MCF2L: variants seen among roughly 807,000 people sequenced by gnomAD.
The protein encoded by MCF2L is MCF.2 cell line derived transforming sequence like.
In MCF2L, 97 loss-of-function variants were observed where a neutral mutation model predicts 153.4. The observed-to-expected ratio is 0.63, with a 90% CI of 0.54 to 0.75. The LOEUF (loss-of-function observed/expected upper bound fraction) is 0.75. MCF2L is among the 30% of genes least tolerant of loss of function. The probability of loss-of-function intolerance (pLI) is 0.00; values close to 1 mark genes in which losing one functional copy is unlikely to be tolerated. For missense variants in MCF2L, 1,347 were observed against 1,495.2 expected, an observed-to-expected ratio of 0.90 and a Z score of 1.64; for synonymous variants, 659 against 632.2, an observed-to-expected ratio of 1.04 and a Z score of -0.64.
chr13:113,098,078 T>G lies in MCF2L; in HGVS notation c.*1219T>G, dbSNP rs1192402812. The G allele has an allele frequency of 6.6e-6, 1 of 152,470 alleles. No homozygotes were observed. The highest frequency in any genetic ancestry group is 1.5e-5 in the Non-Finnish European group (1 of 68,058). The allele number at this position is 152,470 out of a possible 1,614,324, so 9.4% of individuals were successfully genotyped here. A position where few individuals can be genotyped will look rare whatever the true frequency, so the allele number is the denominator to read the frequency against. On this transcript the variant is annotated 3_prime_UTR_variant, in exon 30 of 30. Coordinates refer to ENST00000535094, the MANE Select transcript of MCF2L (RefSeq NM_001112732.3). ...AGATGTTTTTGTATGTGTGCACCTC[T>G]GACCATGTGTGTACATATGTGTCTT... is the stretch of plus-strand genomic sequence containing the variant.
upstream of MCF2L, chr13:112,964,763 G>A (rs1005382601): frequency 6.6e-6 from 1 of 152,196 alleles, no homozygotes; most frequent in Non-Finnish European, 1.5e-5. Context: ...TGAAAAATTT[G>A]TTACAAAGAA....
At chr13:112,989,349 GACAT>G (rs2082800126) in intron 1 of MCF2L, among the ~76,000 whole-genome samples, 11 of 136,194 alleles carry the variant, frequency 8.1e-5, no homozygotes, top group African/African-American at 2.5e-4. Context: ...CCCTGAGCAG[GACAT>G]GGAGCTACCA....
In MCF2L at chr13:113,064,524, T is replaced by C. The variant is rs2032057133; in HGVS notation, c.606+104T>C. 2.8e-6 allele frequency: 2 copies of C among 723,122 alleles called. No individual in the cohort carries two copies. The highest frequency in any genetic ancestry group is 4.9e-6 in the Non-Finnish European group (2 of 411,528). The allele number at this position is 723,122 out of a possible 1,614,324, so 44.8% of individuals were successfully genotyped here. ...GGCCCTTTCCAAAAACACATTCACA[T>C]TAACAGTCGTTTTCTTTCCCAAGAA... On this transcript the variant is annotated intron_variant, in intron 6 of 29. Coordinates refer to ENST00000535094, the MANE Select transcript of MCF2L (RefSeq NM_001112732.3). This position sits in a 1 kb window ranked among gnomAD's most constrained non-coding sequence, Gnocchi z 6.0.
In MCF2L at chr13:112,993,652, C is replaced by T. The variant is rs1209713890; in HGVS notation, c.80-21111C>T. Among the ~76,000 whole-genome samples the T allele has an allele frequency of 6.6e-6, 1 of 152,028 alleles. No individual in the cohort carries two copies. Among genetic ancestry groups the T allele is most frequent in the Non-Finnish European group, 1.5e-5 (1 of 68,018 alleles). On this transcript the variant is annotated intron_variant, in intron 1 of 29. Transcript: ENST00000535094. This position sits in a 1 kb window ranked among gnomAD's most constrained non-coding sequence, Gnocchi z 4.6. The stretch of plus-strand genomic sequence containing the variant: ...GAGAGAGGGAGCGAGAAGTCATCGT[C>T]AATGGCCCCACGATGTCAGGCTTGG...
chr13:113,079,072 C>T (rs1392015068), intron 15 of MCF2L, among the ~76,000 whole-genome samples: 1 of 152,176 alleles, frequency 6.6e-6, no homozygotes, highest in Admixed American at 6.5e-5. Flanking sequence ...AGACACCACT[C>T]AAAGGCCCCA....
chr13:112,918,707 GA>G (rs2140557564), intron 2 of MCF2L, among the ~76,000 whole-genome samples: 1 of 152,328 alleles, frequency 6.6e-6, no homozygotes, highest in Non-Finnish European at 1.5e-5. Flanking sequence ...AGGTGCTGTG[GA>G]TATAAACATT....
At chr13:113,078,096 G>A (rs868412572) in intron 13 of MCF2L, among the ~76,000 whole-genome samples, 1 of 147,112 alleles carries the variant, frequency 6.8e-6, no homozygotes, top group Non-Finnish European at 1.5e-5. Context: ...GCCACCACCT[G>A]TGGCCTCAGA....
At chr13:113,033,217 A>ATTAGTGGCCCCCATGACG (rs1566772497) in intron 3 of MCF2L, among the ~76,000 whole-genome samples, 1 of 13,488 alleles carries the variant, frequency 7.4e-5, no homozygotes, top group Non-Finnish European at 1.6e-4. Flanking sequence ...CCCCCGTGAC[A>ATTAGTGGCCCCCATGACG]TGAGTGGCCC....
chr13:112,930,813 T>G (rs2081454970), intron 2 of MCF2L, among the ~76,000 whole-genome samples: 1 of 152,292 alleles, frequency 6.6e-6, no homozygotes, highest in East Asian at 1.9e-4. Context: ...GGAGCGTGCC[T>G]GTAATCCCAG....
rs1373769097 is a variant in MCF2L, at chr13:113,070,148, G to A, written c.971G>A (p.Arg324Gln). 3.1e-6 allele frequency: 5 copies of A among 1,602,672 alleles called. No homozygotes were observed. The highest frequency in any genetic ancestry group is 2.3e-5 in the East Asian group (1 of 43,508). Residue 324 changes from arginine (R) to glutamine (Q), a missense_variant, in exon 9 of 30, where the codon CGG (arginine) becomes CAG (glutamine). Physicochemically the swap from Arg to Gln is conservative, Grantham distance 43. This residue lies in a region of MCF2L where 820 missense variants were observed against 921.2 expected (regional missense o/e 0.89). Coordinates refer to ENST00000535094, the MANE Select transcript of MCF2L (RefSeq NM_001112732.3). This position sits in a 1 kb window ranked among gnomAD's most constrained non-coding sequence, Gnocchi z 5.6. ...AAACTGGAGCAGTGTCTGCAGCTCC[G>A]GCACTTTGAGCAGGGCTTCCGGGAG... ...QQKLEQCLQL[R>Q]HFEQGFREVK...
At chr13:112,963,453 A>G (rs547530595) in intron 2 of MCF2L, among the ~76,000 whole-genome samples, 1 of 152,130 alleles carries the variant, frequency 6.6e-6, no homozygotes, top group African/African-American at 2.4e-5. Context: ...CTAGGAGGGA[A>G]TGACTTGTGT....
intron 2 of MCF2L, among the ~76,000 whole-genome samples, chr13:112,945,001 A>ATTT (rs10690779): frequency 0.5 from 69,284 of 138,998 alleles, 17,658 homozygotes; most frequent in South Asian, 0.67. Context: ...AGGCACCACT[A>ATTT]TTTTTTTTTT....
At chr13:112,950,356 G>T (rs2081680157) in intron 2 of MCF2L, among the ~76,000 whole-genome samples, 1 of 152,158 alleles carries the variant, frequency 6.6e-6, no homozygotes, top group African/African-American at 2.4e-5. Context: ...AATCCCAACA[G>T]AATTTTTTTT....
intron 3 of MCF2L, among the ~76,000 whole-genome samples, chr13:113,025,122 G>A (rs1318393649): frequency 1.1e-5 from 1 of 93,682 alleles, no homozygotes; most frequent in Non-Finnish European, 2.2e-5. Context: ...ATGGGATGAG[G>A]CAGAGTCCCT....
intron 2 of MCF2L, among the ~76,000 whole-genome samples, chr13:112,922,310 A>C (rs957441332): frequency 6.6e-6 from 1 of 152,216 alleles, no homozygotes; most frequent in Non-Finnish European, 1.5e-5. Context: ...ATTATTCCAC[A>C]CAGAACGTCT....
In MCF2L at chr13:112,951,321, C is replaced by A. The variant is rs749725721; in HGVS notation, c.169+48950C>A. On this transcript the variant is annotated intron_variant, in intron 2 of 29. Coordinates refer to the MCF2L transcript ENST00000375608. This position sits in a 1 kb window ranked among gnomAD's most constrained non-coding sequence, Gnocchi z 4.8. Reference sequence around the variant, plus strand: ...GTTTCTTTTAAAACAAAATATGCAACTCTCATATGACCCAGCAATTGCACT... The same window carrying A: ...GTTTCTTTTAAAACAAAATATGCAAATCTCATATGACCCAGCAATTGCACT... 2.0e-4 allele frequency among the ~76,000 whole-genome samples: 30 copies of A among 152,186 alleles called. No individual in the cohort carries two copies. Among genetic ancestry groups the A allele is most frequent in the Admixed American group, 8.5e-4 (13 of 15,280 alleles).
intron 3 of MCF2L, among the ~76,000 whole-genome samples, chr13:113,033,332 G>A (rs2085894695): frequency 8.4e-6 from 1 of 119,626 alleles, no homozygotes; most frequent in African/African-American, 3.5e-5. Context: ...GGCGTGAGTG[G>A]CCCCCGTGAC....
chr13:112,920,214 C>T (rs2081338406), intron 2 of MCF2L, among the ~76,000 whole-genome samples: 5 of 152,114 alleles, frequency 3.3e-5, no homozygotes, highest in Admixed American at 2.6e-4. Context: ...GGGTACATGG[C>T]GGAGAGGTGG....
intron 2 of MCF2L, chr13:112,910,135 A>T (rs892405027): frequency 2.6e-5 from 4 of 152,258 alleles, no homozygotes; most frequent in African/African-American, 9.6e-5. Context: ...GCACAGAAAT[A>T]GGCTGACCTG....
Sources: allele counts gnomAD v4.1 joint callset (sites outside exome capture counted in the v4.1 genomes callset), GRCh38; gene constraint gnomAD v4.1.1; regional missense constraint gnomAD v4.1.1; non-coding constraint Gnocchi (gnomAD v3.1); transcripts MANE v1.5; gene names NCBI Gene and HGNC (gene_info 2026-07-23, HGNC 2026-07-21).